Variants in SEC62 observed in about 807,000 individuals in gnomAD.
SEC62 encodes the protein translocation protein SEC62.
A neutral mutation model predicts 47.5 loss-of-function variants in SEC62; 10 were observed. The ratio of observed to expected loss-of-function variants is 0.21; its 90% CI spans 0.13 to 0.36. The LOEUF (loss-of-function observed/expected upper bound fraction) is 0.36, where lower values mean the gene tolerates loss of function less well. Among genes scored for constraint, SEC62 ranks in the 10% least tolerant of loss-of-function variants. SEC62 has a pLI of 1.00. For missense variants in SEC62, 327 were observed against 464.1 expected, an observed-to-expected ratio of 0.70 and a Z score of 2.71; for synonymous variants, 136 against 150.5, an observed-to-expected ratio of 0.90 and a Z score of 0.71.
intron 6 of SEC62, among the ~76,000 whole-genome samples, chr3:169,986,330 C>G (rs538453222): frequency 1.1e-4 from 17 of 152,272 alleles, no homozygotes; most frequent in Admixed American, 1.0e-3. Context: ...CTAGGCTGTT[C>G]CCATACAGTT....
In SEC62 at chr3:169,982,665, A is replaced by C. The variant is rs760153106; in HGVS notation, c.252-42A>C. On this transcript the variant is annotated intron_variant, in intron 3 of 7. Transcript: ENST00000337002. ...TTGATATTTTTGCTTTTCAGTCTCT[A>C]TCTATATGGGGAGTGTAATGCCATA... 8 of 1,595,308 alleles carry C rather than the reference A, an allele frequency of 5.0e-6. No individual in the cohort carries two copies. In the Admixed American group the frequency reaches 1.0e-4, roughly 20 times the overall value.
In SEC62 at chr3:169,993,078, G is replaced by A; in HGVS notation, c.*15G>A. On this transcript the variant is annotated 3_prime_UTR_variant, in exon 8 of 8. Transcript: ENST00000337002. ...AAAAATCATAATCTGACTAATTTTG[G>A]GACTGAATGAATAAGTACAAGAGGT... 6.4e-7 allele frequency: 1 copy of A among 1,553,304 alleles called. No homozygotes were observed. The highest frequency in any genetic ancestry group is 1.4e-5 in the African/African-American group (1 of 72,678).
intron 7 of SEC62, among the ~76,000 whole-genome samples, chr3:169,989,515 C>G (rs532342026): frequency 7.3e-5 from 11 of 151,266 alleles, no homozygotes; most frequent in Admixed American, 2.6e-4. Flanking sequence ...ATACCTGCAT[C>G]AAGAAGGAAA....
chr3:169,986,543 A>T lies in SEC62; in HGVS notation c.610+678A>T, dbSNP rs116721232. 5.9e-3 allele frequency among the ~76,000 whole-genome samples: 864 copies of T among 147,646 alleles called. 8 individuals are homozygous for T. Among genetic ancestry groups the T allele is most frequent in the African/African-American group, 0.022 (826 of 37,132 alleles). On this transcript the variant is annotated intron_variant, in intron 6 of 7. Transcript: ENST00000337002. The stretch of plus-strand genomic sequence containing the variant: ...CAAGGATATTATACCTAGAATAGAT[A>T]AAAAAAGAAAAGAAAGTTACAGACG...
intron 3 of SEC62, among the ~76,000 whole-genome samples, chr3:169,981,218 T>G (rs1348994031): frequency 6.6e-6 from 1 of 152,214 alleles, no homozygotes; most frequent in Admixed American, 6.5e-5. Context: ...CACAATCATA[T>G]TTACATAATT....
At chr3:169,979,029 T>C (rs754576038) in intron 3 of SEC62, among the ~76,000 whole-genome samples, 4 of 152,176 alleles carry the variant, frequency 2.6e-5, no homozygotes, top group Non-Finnish European at 4.4e-5. Flanking sequence ...CCAGTATGAA[T>C]CCACATTTTT....
At chr3:169,986,602 G>GA (rs1043249417) in intron 6 of SEC62, among the ~76,000 whole-genome samples, 1 of 152,034 alleles carries the variant, frequency 6.6e-6, no homozygotes, top group Non-Finnish European at 1.5e-5. Flanking sequence ...TACTTATTTA[G>GA]AAAAAAAGTC....
At chr3:169,985,900 AT>A in intron 6 of SEC62, 35 bp downstream of exon 6, 1 of 1,481,990 alleles carries the variant, frequency 6.7e-7, no homozygotes, top group Non-Finnish European at 9.3e-7. Flanking sequence ...ATAAAGTGCA[AT>A]CTAAAATTTA....
chr3:169,986,031 G>T, intron 6 of SEC62, 166 bp downstream of exon 6: 1 of 545,154 alleles, frequency 1.8e-6, no homozygotes. Flanking sequence ...GAAAATATTT[G>T]AAACATATTA....
intron 6 of SEC62, among the ~76,000 whole-genome samples, chr3:169,987,299 G>A (rs1012424531): frequency 6.6e-6 from 1 of 152,094 alleles, no homozygotes; most frequent in Non-Finnish European, 1.5e-5. Context: ...CACACCTGTA[G>A]TCCCAACTAC....
intron 1 of SEC62, among the ~76,000 whole-genome samples, chr3:169,967,843 G>A (rs932602618): frequency 6.6e-6 from 1 of 151,180 alleles, no homozygotes; most frequent in Non-Finnish European, 1.5e-5. Context: ...CTATTTCATT[G>A]CTTAGAATGA....
In SEC62 at chr3:169,995,096, T is replaced by A. The variant is rs1402230620; in HGVS notation, c.*2033T>A. 1 of 152,170 alleles carries A rather than the reference T, an allele frequency of 6.6e-6. No individual in the cohort carries two copies. Among genetic ancestry groups the A allele is most frequent in the East Asian group, 1.9e-4 (1 of 5,204 alleles). The allele number at this position is 152,170 out of a possible 1,614,324, so 9.4% of individuals were successfully genotyped here. A position where few individuals can be genotyped will look rare whatever the true frequency, so the allele number is the denominator to read the frequency against. ...AATCAAAAGGCTGCCTCTATTACAATCCTCAGTGGAATAGATGGCTATCTT... is the reference window on the plus strand; with the variant it reads ...AATCAAAAGGCTGCCTCTATTACAAACCTCAGTGGAATAGATGGCTATCTT... On this transcript the variant is annotated 3_prime_UTR_variant, in exon 8 of 8. Coordinates refer to ENST00000337002, the MANE Select transcript of SEC62 (RefSeq NM_003262.4).
At chr3:169,985,627 C>T (rs960596015) in intron 5 of SEC62, 178 bp from the exon 6 acceptor site, 8 of 466,960 alleles carry the variant, frequency 1.7e-5, no homozygotes, top group Non-Finnish European at 2.3e-5. Context: ...CATTTTCTAG[C>T]GCCAGAAGAA....
intron 2 of SEC62, among the ~76,000 whole-genome samples, chr3:169,976,374 G>GA (rs5854361): frequency 0.18 from 26,707 of 149,338 alleles, 2,466 homozygotes; most frequent in South Asian, 0.23. Context: ...TCTCTTAGAA[G>GA]AAAAAAAAAA....
chr3:169,973,035 A>G (rs942733144), intron 1 of SEC62, among the ~76,000 whole-genome samples: 2 of 152,254 alleles, frequency 1.3e-5, no homozygotes, highest in African/African-American at 2.4e-5. Flanking sequence ...GTGTGATTAT[A>G]TAATAGAATT....
chr3:169,978,153 C>T (rs753872597), intron 3 of SEC62, among the ~76,000 whole-genome samples: 28 of 152,022 alleles, frequency 1.8e-4, no homozygotes, highest in Admixed American at 4.6e-4. Context: ...GTGGCGGGCA[C>T]CTATAGTCCC....
At chr3:169,975,370 T>C (rs1034480835) in intron 1 of SEC62, 1 of 335,864 alleles carries the variant, frequency 3.0e-6, no homozygotes, top group Non-Finnish European at 5.6e-6. Flanking sequence ...AAATGCCTCA[T>C]AGTTGAAGCC....
In SEC62 at chr3:169,988,560, A is replaced by C. The variant is rs554319277; in HGVS notation, c.730+201A>C. 1.0e-3 allele frequency among the ~76,000 whole-genome samples: 158 copies of C among 152,272 alleles called. 1 individual carries two copies. Among genetic ancestry groups the C allele is most frequent in the African/African-American group, 3.7e-3 (152 of 41,560 alleles). Reference sequence around the variant, plus strand: ...CAGAAAAAGGATTTAATACATCTTTAAAAAAATTTTTTAATAAGATTATTT... The same window carrying C: ...CAGAAAAAGGATTTAATACATCTTTCAAAAAATTTTTTAATAAGATTATTT... On this transcript the variant is annotated intron_variant, in intron 7 of 7. Transcript: ENST00000337002.
At chr3:169,990,252 T>C (rs1483481941) in intron 7 of SEC62, among the ~76,000 whole-genome samples, 1 of 151,782 alleles carries the variant, frequency 6.6e-6, no homozygotes, top group Non-Finnish European at 1.5e-5. Context: ...TAGGAGCATG[T>C]TGCCATGCCT....
Sources: gnomAD v4.1 joint callset for allele counts (sites outside exome capture counted in the v4.1 genomes callset) on GRCh38, gnomAD v4.1.1 for gene constraint, MANE v1.5 for transcripts, NCBI Gene and HGNC (gene_info 2026-07-23, HGNC 2026-07-21) for gene names.